The following CNTN3 variants were observed in gnomAD, a reference collection of about 807,000 sequenced individuals.
The protein encoded by CNTN3 is contactin-3.
In CNTN3, 60 loss-of-function variants were observed where a neutral mutation model predicts 119.1. The observed-to-expected ratio is 0.50, with a 90% CI of 0.41 to 0.62. CNTN3 has a LOEUF of 0.62. Among genes scored for constraint, CNTN3 ranks in the 20% least tolerant of loss-of-function variants. The pLI, the probability that CNTN3 is intolerant of heterozygous loss-of-function variation, is 0.00. For missense variants in CNTN3, 1,101 were observed against 1,242.4 expected (o/e 0.89, Z 1.71); for synonymous variants, 450 against 438.7 (o/e 1.03, Z -0.32).
At chr3:74,556,153 T>A (rs1272289518) in intron 1 of CNTN3, among the ~76,000 whole-genome samples, 2 of 152,200 alleles carry the variant, frequency 1.3e-5, no homozygotes, top group East Asian at 3.8e-4. Flanking sequence ...TATCAAGGTA[T>A]ACTTCACACA....
intron 11 of CNTN3, among the ~76,000 whole-genome samples, chr3:74,358,163 A>T (rs1323223062): frequency 6.6e-6 from 1 of 152,204 alleles, no homozygotes; most frequent in Non-Finnish European, 1.5e-5. Flanking sequence ...CCAAAAAGAT[A>T]AAAACAAAAT....
At chr3:74,358,885 T>G in intron 11 of CNTN3, among the ~76,000 whole-genome samples, 2 of 150,784 alleles carry the variant, frequency 1.3e-5, no homozygotes, top group African/African-American at 2.4e-5. Flanking sequence ...CTTGCGATAG[T>G]TTACTGAGAA....
Position 74,352,440 on chromosome 3 carries a change from T to A in CNTN3, c.1364+9450A>T, listed in dbSNP as rs76981348. On this transcript the variant is annotated intron_variant, in intron 11 of 22. Coordinates refer to ENST00000263665, the MANE Select transcript of CNTN3 (RefSeq NM_020872.3). ...CTCAGCCAGTCCTAGTTTACATGTG[T>A]TGTCTTGGAGGTAATTACTAACAGT... is the stretch of plus-strand genomic sequence containing the variant. Among the ~76,000 whole-genome samples, 180 of 152,318 alleles carry A rather than the reference T, an allele frequency of 1.2e-3. 1 individual carries two copies. Among genetic ancestry groups the A allele is most frequent in the African/African-American group, 3.6e-3 (151 of 41,576 alleles).
At chr3:74,563,407 C>A (rs1432085871) in intron 1 of CNTN3, among the ~76,000 whole-genome samples, 1 of 152,102 alleles carries the variant, frequency 6.6e-6, no homozygotes, top group Non-Finnish European at 1.5e-5. Flanking sequence ...TCCACAAATG[C>A]AAACATGTTA....
At chr3:74,578,438 T>C (rs535806397) in intron 1 of CNTN3, among the ~76,000 whole-genome samples, 10 of 152,178 alleles carry the variant, frequency 6.6e-5, no homozygotes, top group African/African-American at 2.2e-4. Context: ...TACTTCTAGG[T>C]CAGCTAGAGT....
intron 5 of CNTN3, among the ~76,000 whole-genome samples, chr3:74,380,819 A>C (rs557571636): frequency 6.6e-6 from 1 of 152,198 alleles, no homozygotes; most frequent in African/African-American, 2.4e-5. Flanking sequence ...TGTCCATTCC[A>C]CATTACATCT....
intron 5 of CNTN3, among the ~76,000 whole-genome samples, chr3:74,392,406 GCTT>G (rs1174430073): frequency 2.0e-5 from 3 of 150,726 alleles, no homozygotes; most frequent in South Asian, 4.2e-4. Context: ...CTTCCACCCT[GCTT>G]CTTCTTTTTC....
At chr3:74,446,068 T>C (rs923294630) in intron 4 of CNTN3, among the ~76,000 whole-genome samples, 14 of 152,176 alleles carry the variant, frequency 9.2e-5, no homozygotes, top group Admixed American at 7.9e-4. Context: ...GCCTGACTTT[T>C]ATTACATTCA....
At chr3:74,298,306 G>A in intron 17 of CNTN3, 115 bp from the exon 18 acceptor site, 1 of 563,570 alleles carries the variant, frequency 1.8e-6, no homozygotes. Context: ...CATCTACATT[G>A]TATTAAGCAG....
chr3:74,613,538 A>G (rs1705117859), intron 1 of CNTN3, among the ~76,000 whole-genome samples: 1 of 152,114 alleles, frequency 6.6e-6, no homozygotes, highest in East Asian at 1.9e-4. Flanking sequence ...TTATTAAATA[A>G]TACCTCTGGA....
At chr3:74,297,884 G>C (rs1380065424) in intron 18 of CNTN3, 73 bp downstream of exon 18, 3 of 1,135,200 alleles carry the variant, frequency 2.6e-6, no homozygotes, top group Non-Finnish European at 3.9e-6. Context: ...GTCAAAACGA[G>C]ACTCCAAATC....
At chr3:74,537,550 T>A (rs1289899741) in intron 1 of CNTN3, among the ~76,000 whole-genome samples, 3 of 152,146 alleles carry the variant, frequency 2.0e-5, no homozygotes, top group Non-Finnish European at 4.4e-5. Flanking sequence ...CTCAATGGCA[T>A]CTTTGCCTCG....
rs555873738 is a variant in CNTN3, at chr3:74,387,660, A to G, written c.455-16261T>C. ...TAACTTGCTATTTCCAAATGGGAAT[A>G]ATTATTCCTAAGTGTCACTAGACTG... On this transcript the variant is annotated intron_variant, in intron 5 of 22. Coordinates refer to ENST00000263665, the MANE Select transcript of CNTN3 (RefSeq NM_020872.3). 2.6e-5 allele frequency among the ~76,000 whole-genome samples: 4 copies of G among 152,302 alleles called. No individual in the cohort carries two copies. In the East Asian group the frequency reaches 7.7e-4, roughly 29 times the overall value.
intron 1 of CNTN3, among the ~76,000 whole-genome samples, chr3:74,529,147 A>T (rs1449582993): frequency 1.3e-5 from 2 of 151,970 alleles, no homozygotes; most frequent in Admixed American, 6.6e-5. Context: ...TGGGGTCAGG[A>T]AGAGAATAGA....
intron 1 of CNTN3, among the ~76,000 whole-genome samples, chr3:74,540,448 T>G (rs1029695271): frequency 2.6e-5 from 4 of 152,118 alleles, no homozygotes; most frequent in Admixed American, 1.3e-4. Context: ...TTTATGTATA[T>G]CCTGTTCCTC....
chr3:74,337,218 C>G (rs1703416550), intron 11 of CNTN3, among the ~76,000 whole-genome samples: 4 of 152,056 alleles, frequency 2.6e-5, no homozygotes. Flanking sequence ...ATCCAATAAA[C>G]CTTACCTTAG....
chr3:74,585,249 A>G (rs1704574924), intron 1 of CNTN3, among the ~76,000 whole-genome samples: 1 of 152,186 alleles, frequency 6.6e-6, no homozygotes, highest in South Asian at 2.1e-4. Flanking sequence ...AAACCAAGCT[A>G]GAGTTACTGG....
At chr3:74,416,848 C>G (rs564425293) in intron 5 of CNTN3, among the ~76,000 whole-genome samples, 1 of 152,054 alleles carries the variant, frequency 6.6e-6, no homozygotes, top group East Asian at 1.9e-4. Flanking sequence ...ATTAGCCGGG[C>G]ATGGTGGCGT....
intron 1 of CNTN3, among the ~76,000 whole-genome samples, chr3:74,539,570 A>T (rs1703812492): frequency 6.6e-6 from 1 of 152,046 alleles, no homozygotes; most frequent in African/African-American, 2.4e-5. Flanking sequence ...AGTTGAAAAC[A>T]CCAGTTTCTT....
Sources: gnomAD v4.1 joint callset for allele counts (sites outside exome capture counted in the v4.1 genomes callset) on GRCh38, gnomAD v4.1.1 for gene constraint, MANE v1.5 for transcripts, NCBI Gene and HGNC (gene_info 2026-07-23, HGNC 2026-07-21) for gene names.